The following PRKD1 variants were observed in gnomAD, a reference collection of about 807,000 sequenced individuals.
PRKD1 encodes the protein protein kinase D1.
Under a neutral mutation model 95.9 loss-of-function variants are expected in PRKD1, and 63 were observed. That is an observed-to-expected ratio of 0.66 (90% CI 0.54 to 0.81). The LOEUF is 0.81. PRKD1 is among the 30% of genes least tolerant of loss of function. The probability of loss-of-function intolerance (pLI) is 0.00; values close to 1 mark genes in which losing one functional copy is unlikely to be tolerated. For synonymous variants in PRKD1, 425 were observed against 423.1 expected, an observed-to-expected ratio of 1.00 and a Z score of -0.05; for missense variants, 1,048 against 1,165.3, an observed-to-expected ratio of 0.90 and a Z score of 1.47.
intron 1 of PRKD1, among the ~76,000 whole-genome samples, chr14:29,786,286 A>G (rs148726020): frequency 0.015 from 2,335 of 152,260 alleles, 25 homozygotes; most frequent in Middle Eastern, 0.031. Flanking sequence ...CATCAGGAAT[A>G]TGGCTTACAA....
At chr14:29,921,962 A>C (rs1220823046) in intron 1 of PRKD1, among the ~76,000 whole-genome samples, 1 of 152,238 alleles carries the variant, frequency 6.6e-6, no homozygotes, top group Non-Finnish European at 1.5e-5. Context: ...ACAGTCTCAC[A>C]GGATATTCTT....
At chr14:29,715,912 T>G (rs1282654330) in intron 2 of PRKD1, among the ~76,000 whole-genome samples, 1 of 152,150 alleles carries the variant, frequency 6.6e-6, no homozygotes, top group Non-Finnish European at 1.5e-5. Flanking sequence ...CCAATTTATA[T>G]AAAAAGGCAA....
chr14:29,689,275 A>T (rs60018822), intron 2 of PRKD1, among the ~76,000 whole-genome samples: 30,692 of 151,942 alleles, frequency 0.2, 3,142 homozygotes, highest in South Asian at 0.24. Context: ...CAAGAAAAAA[A>T]AAACATTACA....
At chr14:29,799,820 A>G (rs1240536559) in intron 1 of PRKD1, among the ~76,000 whole-genome samples, 4 of 152,214 alleles carry the variant, frequency 2.6e-5, no homozygotes, top group African/African-American at 4.8e-5. Context: ...AAAATGAACT[A>G]CCCAATGTAC....
At chr14:29,607,224 C>A (rs1213175561) in intron 13 of PRKD1, among the ~76,000 whole-genome samples, 2 of 152,190 alleles carry the variant, frequency 1.3e-5, no homozygotes, top group Admixed American at 6.5e-5. Flanking sequence ...CTTCCTTTAG[C>A]CTTTCACCCA....
chr14:29,819,910 T>C (rs557255342), intron 1 of PRKD1, among the ~76,000 whole-genome samples: 3 of 152,156 alleles, frequency 2.0e-5, no homozygotes, highest in African/African-American at 7.2e-5. Context: ...TTCAACTCCA[T>C]GAAGGACACA....
intron 2 of PRKD1, among the ~76,000 whole-genome samples, chr14:29,681,981 A>G (rs1372673444): frequency 6.6e-6 from 1 of 152,218 alleles, no homozygotes; most frequent in African/African-American, 2.4e-5. Flanking sequence ...GCAATTCTCA[A>G]TTACACTACC....
chr14:29,705,505 C>T (rs753075828), intron 2 of PRKD1, among the ~76,000 whole-genome samples: 14 of 151,334 alleles, frequency 9.3e-5, no homozygotes, highest in Non-Finnish European at 1.0e-4. Context: ...ATACAATTAA[C>T]CCATTTAAAG....
At chr14:29,629,521 T>C (rs1376738663) in intron 10 of PRKD1, among the ~76,000 whole-genome samples, 1 of 152,214 alleles carries the variant, frequency 6.6e-6, no homozygotes, top group Non-Finnish European at 1.5e-5. Flanking sequence ...GGCATATATA[T>C]TCTATTAATA....
intron 1 of PRKD1, among the ~76,000 whole-genome samples, chr14:29,861,549 T>C (rs1892709212): frequency 6.6e-6 from 1 of 152,212 alleles, no homozygotes; most frequent in African/African-American, 2.4e-5. Context: ...ACTCTTTGTG[T>C]TACAAACAAT....
intron 2 of PRKD1, among the ~76,000 whole-genome samples, chr14:29,721,855 T>C (rs941402377): frequency 2.0e-5 from 3 of 152,122 alleles, no homozygotes; most frequent in African/African-American, 7.2e-5. Context: ...ATGAGCAATC[T>C]TTTCCTGGCT....
At chr14:29,633,350 G>A (rs571650013) in intron 8 of PRKD1, among the ~76,000 whole-genome samples, 12 of 152,174 alleles carry the variant, frequency 7.9e-5, no homozygotes, top group Admixed American at 5.2e-4. Flanking sequence ...ATTTTAGGAC[G>A]TAAGAAATCC....
At chr14:29,805,561 C>T (rs887172220) in intron 1 of PRKD1, among the ~76,000 whole-genome samples, 4 of 152,216 alleles carry the variant, frequency 2.6e-5, no homozygotes, top group East Asian at 1.9e-4. Context: ...GCACTTACTA[C>T]GTGCCACGAA....
At chr14:29,678,673 C>T (rs1270741407) in intron 2 of PRKD1, among the ~76,000 whole-genome samples, 2 of 152,108 alleles carry the variant, frequency 1.3e-5, no homozygotes, top group Non-Finnish European at 2.9e-5. Flanking sequence ...GCAAAGAGGA[C>T]ATTCCAATAA....
intron 2 of PRKD1, among the ~76,000 whole-genome samples, chr14:29,677,337 A>G (rs1312756000): frequency 6.6e-6 from 1 of 152,166 alleles, no homozygotes; most frequent in African/African-American, 2.4e-5. Context: ...TAAGGCTTTC[A>G]GTATGGATAA....
At chr14:29,756,064 C>CATATCT (rs1022641222) in intron 1 of PRKD1, among the ~76,000 whole-genome samples, 1 of 152,116 alleles carries the variant, frequency 6.6e-6, no homozygotes, top group African/African-American at 2.4e-5. Flanking sequence ...TATATATAGT[C>CATATCT]ATATCTATAT....
At chr14:29,847,495 T>G (rs1892127075) in intron 1 of PRKD1, among the ~76,000 whole-genome samples, 1 of 152,110 alleles carries the variant, frequency 6.6e-6, no homozygotes, top group African/African-American at 2.4e-5. Flanking sequence ...TAATACACTG[T>G]GATCCACTGA....
chr14:29,743,417 A>G (rs2139438605), intron 1 of PRKD1, among the ~76,000 whole-genome samples: 1 of 152,332 alleles, frequency 6.6e-6, no homozygotes, highest in South Asian at 2.1e-4. Context: ...TTTTATATAT[A>G]TATGGAGAAA....
intron 1 of PRKD1, among the ~76,000 whole-genome samples, chr14:29,735,606 G>T (rs992477411): frequency 2.0e-5 from 3 of 152,178 alleles, no homozygotes; most frequent in Non-Finnish European, 4.4e-5. Flanking sequence ...TTGTCAATTT[G>T]CTTGTGTGAT....
Sources: gnomAD v4.1 joint callset for allele counts (sites outside exome capture counted in the v4.1 genomes callset) on GRCh38, gnomAD v4.1.1 for gene constraint, MANE v1.5 for transcripts, NCBI Gene and HGNC (gene_info 2026-07-23, HGNC 2026-07-21) for gene names.